Variants in SYT14 observed in about 807,000 individuals in gnomAD.
SYT14 encodes synaptotagmin 14, also known as synaptotagmin-14.
In SYT14, 32 loss-of-function variants were observed where a neutral mutation model predicts 74.2. The ratio of observed to expected loss-of-function variants is 0.43; its 90% CI spans 0.33 to 0.58. SYT14 has a LOEUF of 0.58. Among genes scored for constraint, SYT14 ranks in the 20% least tolerant of loss-of-function variants. The pLI, the probability that SYT14 is intolerant of heterozygous loss-of-function variation, is 0.05. For synonymous variants in SYT14, 298 were observed against 337.7 expected, an observed-to-expected ratio of 0.88 and a Z score of 1.29; for missense variants, 791 against 981.8, an observed-to-expected ratio of 0.81 and a Z score of 2.60.
intron 2 of SYT14, among the ~76,000 whole-genome samples, chr1:209,977,422 G>C (rs560845497): frequency 1.3e-5 from 2 of 152,132 alleles, no homozygotes; most frequent in East Asian, 1.9e-4. Context: ...ATCTCTCACC[G>C]TTTGCTTGTC....
At chr1:209,942,637 A>G (rs1471609805) in intron 1 of SYT14, among the ~76,000 whole-genome samples, 1 of 152,084 alleles carries the variant, frequency 6.6e-6, no homozygotes, top group Non-Finnish European at 1.5e-5. Context: ...TCATTTTCCA[A>G]GTTAGTGCTA....
chr1:210,115,339 GAC>G (rs1389667020), intron 7 of SYT14, among the ~76,000 whole-genome samples: 1 of 150,984 alleles, frequency 6.6e-6, no homozygotes, highest in Non-Finnish European at 1.5e-5. Context: ...AGAGGGTAGA[GAC>G]ACAGAGAGAA....
intron 7 of SYT14, among the ~76,000 whole-genome samples, chr1:210,103,755 C>G (rs2082112734): frequency 6.6e-6 from 1 of 151,996 alleles, no homozygotes; most frequent in Admixed American, 6.6e-5. Flanking sequence ...CAAGTGATCT[C>G]TAAAGGCCTA....
intron 5 of SYT14, among the ~76,000 whole-genome samples, chr1:210,081,060 G>A (rs981408278): frequency 9.9e-5 from 15 of 152,158 alleles, no homozygotes; most frequent in African/African-American, 3.4e-4. Context: ...AGACCATAGC[G>A]CATTGAGGAA....
chr1:210,034,916 A>G (rs1421623404), intron 5 of SYT14, among the ~76,000 whole-genome samples: 1 of 151,906 alleles, frequency 6.6e-6, no homozygotes, highest in Non-Finnish European at 1.5e-5. Context: ...GCTACTGTGA[A>G]TAGTGCTATG....
intron 2 of SYT14, among the ~76,000 whole-genome samples, chr1:210,009,057 CAA>C (rs2080039857): frequency 2.0e-5 from 3 of 152,112 alleles, no homozygotes; most frequent in Non-Finnish European, 4.4e-5. Context: ...AAGATTTTAA[CAA>C]AGTTTACAAA....
chr1:210,144,856 T>G (rs1248264130), intron 7 of SYT14, among the ~76,000 whole-genome samples: 1 of 152,188 alleles, frequency 6.6e-6, no homozygotes, highest in Non-Finnish European at 1.5e-5. Context: ...CTCTATATGC[T>G]GAGTGACCAA....
intron 2 of SYT14, among the ~76,000 whole-genome samples, chr1:210,006,478 A>T (rs1033713987): frequency 4.6e-5 from 7 of 151,926 alleles, no homozygotes; most frequent in Non-Finnish European, 8.8e-5. Context: ...AGCTAATTAA[A>T]TGTAAAACAG....
chr1:209,969,044 A>G (rs528719043), intron 2 of SYT14, among the ~76,000 whole-genome samples: 9 of 152,236 alleles, frequency 5.9e-5, no homozygotes, highest in South Asian at 2.1e-4. Flanking sequence ...AAGGGCCTCT[A>G]GCTGCATCCA....
intron 5 of SYT14, among the ~76,000 whole-genome samples, chr1:210,080,347 G>A (rs1318913425): frequency 6.6e-6 from 1 of 152,130 alleles, no homozygotes; most frequent in Non-Finnish European, 1.5e-5. Flanking sequence ...CAGATTAGAA[G>A]GAAATTTTTA....
At chr1:210,163,597 A>G in exon 10 of SYT14, 1 of 453,422 alleles carries the variant, frequency 2.2e-6, no homozygotes, top group South Asian at 1.6e-5. Context: ...TCCTCTATGT[A>G]TTTACTAGAT....
rs983964994 is a variant in SYT14 at position 209,957,517 on chromosome 1, C to T, written c.-486+4761C>T. Among the ~76,000 whole-genome samples the T allele has an allele frequency of 2.6e-5, 4 of 152,036 alleles. No individual in the cohort carries two copies. In the South Asian group the frequency reaches 8.3e-4, roughly 32 times the overall value. On this transcript the variant is annotated intron_variant, in intron 2 of 9. Coordinates refer to ENST00000637265, the Ensembl canonical transcript of SYT14. ...TCTCGGCTCGCTGCAATCTCCACCT[C>T]CTGGGTTCAGGGGATTCTCCTGCCT...
At chr1:210,050,259 A>G (rs1202048381) in intron 5 of SYT14, among the ~76,000 whole-genome samples, 1 of 152,200 alleles carries the variant, frequency 6.6e-6, no homozygotes, top group African/African-American at 2.4e-5. Context: ...GGCAGGGGCA[A>G]GATGCCGCCA....
chr1:210,045,059 T>C (rs1472156865), intron 5 of SYT14, among the ~76,000 whole-genome samples: 1 of 152,174 alleles, frequency 6.6e-6, no homozygotes, highest in Non-Finnish European at 1.5e-5. Flanking sequence ...ATCCAAATCA[T>C]GTTATGATTC....
At chr1:210,029,215 G>T (rs2080476687) in intron 5 of SYT14, among the ~76,000 whole-genome samples, 1 of 151,962 alleles carries the variant, frequency 6.6e-6, no homozygotes. Flanking sequence ...TTCCCATTTT[G>T]GGATGGCATT....
At chr1:210,100,283 A>T in exon 7 of SYT14, 1 of 1,614,144 alleles carries the variant, frequency 6.2e-7, no homozygotes, top group South Asian at 1.1e-5. Context: ...GAAACATTTA[A>T]ATTTAATCAT....
At chr1:209,959,439 C>T (rs964023659) in intron 2 of SYT14, among the ~76,000 whole-genome samples, 4 of 152,170 alleles carry the variant, frequency 2.6e-5, no homozygotes, top group Non-Finnish European at 4.4e-5. Context: ...CCACCACACC[C>T]GGCCTGGCAA....
Position 210,087,732 on chromosome 1 carries a change from A to G in SYT14, c.1313-6590A>G, listed in dbSNP as rs571111957. On this transcript the variant is annotated intron_variant, in intron 5 of 9. Coordinates refer to ENST00000637265, the Ensembl canonical transcript of SYT14. ...TGTTTGATTGACTCCACTCCCTGGTATGGACATGGACACCCTTCTGTCATC... is the reference window on the plus strand; with the variant it reads ...TGTTTGATTGACTCCACTCCCTGGTGTGGACATGGACACCCTTCTGTCATC... Among the ~76,000 whole-genome samples, 5 of 152,264 alleles carry G rather than the reference A, an allele frequency of 3.3e-5. No homozygotes were observed. In the East Asian group the frequency reaches 9.7e-4, roughly 30 times the overall value.
intron 7 of SYT14, among the ~76,000 whole-genome samples, chr1:210,145,095 A>G (rs2083003601): frequency 2.0e-5 from 3 of 152,236 alleles, no homozygotes; most frequent in Admixed American, 1.3e-4. Context: ...TAGGTTAGAA[A>G]AATCTTACAT....
Sources: allele counts gnomAD v4.1 joint callset (sites outside exome capture counted in the v4.1 genomes callset), GRCh38; gene constraint gnomAD v4.1.1; transcripts MANE v1.5; gene names NCBI Gene and HGNC (gene_info 2026-07-23, HGNC 2026-07-21).